NRG1: variants seen among roughly 807,000 people sequenced by gnomAD.
NRG1 encodes neuregulin 1.
In NRG1, 18 loss-of-function variants were observed where a neutral mutation model predicts 63.8. That is an observed-to-expected ratio of 0.28 (90% confidence interval 0.19 to 0.42). NRG1 has a LOEUF of 0.42. NRG1 is among the 10% of genes least tolerant of loss of function. The probability of loss-of-function intolerance (pLI) is 1.00; values close to 1 mark genes in which losing one functional copy is unlikely to be tolerated. For missense variants in NRG1, 762 were observed against 814.7 expected (o/e 0.94, Z 0.79); for synonymous variants, 302 against 301.3 (o/e 1.00, Z -0.02).
chr8:32,219,699 G>A (rs1036426253), intron 1 of NRG1, among the ~76,000 whole-genome samples: 3 of 152,166 alleles, frequency 2.0e-5, no homozygotes, highest in African/African-American at 7.2e-5. Context: ...TGCAGTTTCT[G>A]CTGCTTGGTT....
intron 1 of NRG1, among the ~76,000 whole-genome samples, chr8:32,322,953 G>A (rs1375695261): frequency 6.6e-6 from 1 of 150,944 alleles, no homozygotes; most frequent in East Asian, 2.0e-4. Flanking sequence ...CTCTATCTAA[G>A]CAGGAGTAAA....
chr8:31,942,637 C>T (rs963740265), intron 1 of NRG1, among the ~76,000 whole-genome samples: 1 of 152,050 alleles, frequency 6.6e-6, no homozygotes, highest in East Asian at 1.9e-4. Context: ...ACAATCTATA[C>T]ATCTGACAAA....
intron 1 of NRG1, among the ~76,000 whole-genome samples, chr8:32,585,561 G>T (rs1841456552): frequency 6.6e-6 from 1 of 152,134 alleles, no homozygotes; most frequent in African/African-American, 2.4e-5. Flanking sequence ...CTCACGTGGG[G>T]GTTATCACAT....
intron 5 of NRG1, chr8:32,647,896 C>T (rs773794462): frequency 2.5e-6 from 4 of 1,614,108 alleles, no homozygotes; most frequent in South Asian, 1.1e-5. Flanking sequence ...CCCTGCTGTG[C>T]GTGCCTAGAA....
chr8:32,216,642 C>A (rs940949267), intron 1 of NRG1, among the ~76,000 whole-genome samples: 2 of 149,062 alleles, frequency 1.3e-5, no homozygotes, highest in Non-Finnish European at 3.0e-5. Context: ...TTTTAAGTTC[C>A]TAGGAGCACA....
At chr8:32,225,354 A>G (rs1846213556) in intron 1 of NRG1, among the ~76,000 whole-genome samples, 1 of 152,212 alleles carries the variant, frequency 6.6e-6, no homozygotes, top group Non-Finnish European at 1.5e-5. Context: ...ACACAGAAAG[A>G]AAGGGAAATA....
At chr8:31,875,694 T>C (rs552839483) in intron 1 of NRG1, among the ~76,000 whole-genome samples, 1 of 152,116 alleles carries the variant, frequency 6.6e-6, no homozygotes, top group Non-Finnish European at 1.5e-5. Context: ...AATTTCTGGA[T>C]TGTGATTGTG....
At chr8:32,564,202 T>C (rs1212856424) in intron 1 of NRG1, among the ~76,000 whole-genome samples, 3 of 152,192 alleles carry the variant, frequency 2.0e-5, no homozygotes, top group African/African-American at 7.2e-5. Flanking sequence ...TCAAAGATCT[T>C]AGAGGAAATA....
chr8:32,768,538 C>T (rs1236000577), downstream of NRG1, among the ~76,000 whole-genome samples: 3 of 152,178 alleles, frequency 2.0e-5, no homozygotes, highest in African/African-American at 4.8e-5. Context: ...TCCCCTTATT[C>T]TGTCAATAAA....
chr8:32,193,308 G>GTC (rs1476511719), intron 1 of NRG1, among the ~76,000 whole-genome samples: 2 of 151,416 alleles, frequency 1.3e-5, no homozygotes, highest in Non-Finnish European at 2.9e-5. Context: ...CTACCTTTGT[G>GTC]TGTGTGTGTG....
intron 1 of NRG1, among the ~76,000 whole-genome samples, chr8:32,197,209 G>A (rs1237313): frequency 4.6e-5 from 7 of 151,766 alleles, no homozygotes; most frequent in East Asian, 3.9e-4. Context: ...TGATCTGCCC[G>A]CCTCGGCCTC....
chr8:32,494,399 T>C (rs1826950559), intron 1 of NRG1, among the ~76,000 whole-genome samples: 1 of 152,340 alleles, frequency 6.6e-6, no homozygotes, highest in African/African-American at 2.4e-5. Flanking sequence ...GTTTATAATG[T>C]GATTATACTA....
At chr8:32,726,719 G>A (rs961352757) in intron 5 of NRG1, among the ~76,000 whole-genome samples, 1 of 151,940 alleles carries the variant, frequency 6.6e-6, no homozygotes, top group Non-Finnish European at 1.5e-5. Flanking sequence ...GACTTTCGAA[G>A]GAAATGAACA....
chr8:32,586,593 T>C (rs531493137), intron 1 of NRG1, among the ~76,000 whole-genome samples: 10 of 152,260 alleles, frequency 6.6e-5, no homozygotes, highest in African/African-American at 1.9e-4. Context: ...ACTGTCCTTC[T>C]CTCCATTTTC....
At chr8:32,183,006 G>A (rs1189275174) in intron 1 of NRG1, among the ~76,000 whole-genome samples, 5 of 152,166 alleles carry the variant, frequency 3.3e-5, no homozygotes, top group Admixed American at 2.0e-4. Context: ...ATATGCCTAT[G>A]AAATATTTGG....
Position 31,910,702 on chromosome 8 carries a change from G to A in NRG1, c.37+271271G>A, listed in dbSNP as rs553620203. 4.6e-5 allele frequency among the ~76,000 whole-genome samples: 7 copies of A among 152,276 alleles called. No individual in the cohort carries two copies. The East Asian group carries it at 5.8e-4, about 13-fold the overall frequency. On this transcript the variant is annotated intron_variant, in intron 1 of 10. Coordinates refer to the NRG1 transcript ENST00000519301. ...AGAGTTTTGAACATATATGTGATAC[G>A]TAAACAGGAATACAGATTAAGAATA...
In NRG1 at chr8:32,127,256, C is replaced by A. The variant is rs1834197201; in HGVS notation, c.38-468572C>A. Among the ~76,000 whole-genome samples, 4 of 151,836 alleles carry A rather than the reference C, an allele frequency of 2.6e-5. No individual in the cohort carries two copies. In the South Asian group the frequency reaches 8.3e-4, roughly 31 times the overall value. On this transcript the variant is annotated intron_variant, in intron 1 of 10. Transcript: ENST00000519301. ...GGCCTTGTGGATTTTACCTCTTAAA[C>A]TGCACCAAAAACCATGGAAACAAAG... is the stretch of plus-strand genomic sequence containing the variant.
intron 1 of NRG1, among the ~76,000 whole-genome samples, chr8:32,572,023 T>C (rs1034863271): frequency 2.0e-5 from 3 of 152,242 alleles, no homozygotes; most frequent in African/African-American, 7.2e-5. Context: ...TTCACTTTTA[T>C]GTCCTATCTT....
At chr8:32,682,893 A>T (rs968500972) in intron 5 of NRG1, among the ~76,000 whole-genome samples, 23 of 152,312 alleles carry the variant, frequency 1.5e-4, no homozygotes, top group African/African-American at 5.3e-4. Context: ...GAAAATTCCT[A>T]GATAAACTTT....
Sources: gnomAD v4.1 joint callset for allele counts (sites outside exome capture counted in the v4.1 genomes callset) on GRCh38, gnomAD v4.1.1 for gene constraint, MANE v1.5 for transcripts, NCBI Gene and HGNC (gene_info 2026-07-23, HGNC 2026-07-21) for gene names.